TNPO1: variants seen among roughly 807,000 people sequenced by gnomAD.
The protein encoded by TNPO1 is transportin 1, also known as transportin-1.
TNPO1 carries 8 observed loss-of-function variants against 119.5 expected under a neutral mutation model. That is an observed-to-expected ratio of 0.07 (90% CI 0.04 to 0.12). TNPO1 has a LOEUF of 0.12. Ranked by LOEUF, TNPO1 falls within the 10% of genes least tolerant of loss-of-function variation. The pLI is 1.00. For synonymous variants in TNPO1, 362 were observed against 363.0 expected, an observed-to-expected ratio of 1.00 and a Z score of 0.03; for missense variants, 576 against 1,089.8, an observed-to-expected ratio of 0.53 and a Z score of 6.64.
Position 72,887,143 on chromosome 5 carries a change from C to T in TNPO1, c.1224C>T (p.Pro408=), listed in dbSNP as rs1748712768. 1.2e-6 allele frequency: 2 copies of T among 1,613,660 alleles called. No individual in the cohort carries two copies. Among genetic ancestry groups the T allele is most frequent in the South Asian group, 1.1e-5 (1 of 91,046 alleles). Residue 408 remains proline, a synonymous_variant, in exon 12 of 25, where the codon CCC becomes CCT. Transcript: ENST00000337273. ...YRDELLPHIL[P]LLKELLFHHE... ...ATGAACTGCTGCCACATATTTTGCC[C>T]CTTTTGAAAGAATTACTTTTTCATC...
chr5:72,823,434 C>T (rs554831357), intron 1 of TNPO1, among the ~76,000 whole-genome samples: 17 of 152,294 alleles, frequency 1.1e-4, no homozygotes, highest in African/African-American at 2.9e-4. Flanking sequence ...GTGATACCCT[C>T]GTGCACTGTC....
At chr5:72,896,779 G>A (rs928549503) in intron 19 of TNPO1, among the ~76,000 whole-genome samples, 1 of 152,130 alleles carries the variant, frequency 6.6e-6, no homozygotes, top group Non-Finnish European at 1.5e-5. Context: ...TGAGTCAGGA[G>A]AATCACTTGA....
chr5:72,888,316 C>G lies in TNPO1; in HGVS notation c.1529+13C>G, dbSNP rs368401594. ...AAGCTGCCTGCAGGTGGGACAGATT[C>G]ATAACACAGTGTTCTTTGTGGCAGT... On this transcript the variant is annotated intron_variant, in intron 13 of 24. Transcript: ENST00000337273. 7 of 1,605,896 alleles carry G rather than the reference C, an allele frequency of 4.4e-6. No individual in the cohort carries two copies. In the East Asian group the frequency reaches 1.1e-4, roughly 26 times the overall value.
intron 1 of TNPO1, among the ~76,000 whole-genome samples, chr5:72,830,465 G>A (rs1470986729): frequency 6.6e-6 from 1 of 152,118 alleles, no homozygotes; most frequent in Admixed American, 6.5e-5. Flanking sequence ...AAATTAATAG[G>A]TTAAGAAATC....
At chr5:72,854,369 T>C (rs1185272356) in intron 3 of TNPO1, among the ~76,000 whole-genome samples, 2 of 152,230 alleles carry the variant, frequency 1.3e-5, no homozygotes, top group African/African-American at 2.4e-5. Flanking sequence ...TTTTTGCCTC[T>C]ACATGTTGCT....
At chr5:72,836,922 C>T (rs1744715127) in intron 1 of TNPO1, among the ~76,000 whole-genome samples, 1 of 152,174 alleles carries the variant, frequency 6.6e-6, no homozygotes, top group South Asian at 2.1e-4. Flanking sequence ...TTCCTCGTTT[C>T]TGTCTCAGAG....
chr5:72,848,169 C>G, intron 1 of TNPO1: 1 of 1,220,058 alleles, frequency 8.2e-7, no homozygotes, highest in Non-Finnish European at 1.0e-6. Context: ...GCGGCAGCAG[C>G]AGCAGACGCT....
chr5:72,834,945 A>G (rs1452294019), intron 1 of TNPO1, among the ~76,000 whole-genome samples: 1 of 152,098 alleles, frequency 6.6e-6, no homozygotes, highest in African/African-American at 2.4e-5. Context: ...ATGTTTACAT[A>G]TGTGTAGATA....
At chr5:72,847,153 AAGAG>A (rs1745166830) in intron 1 of TNPO1, among the ~76,000 whole-genome samples, 1 of 152,212 alleles carries the variant, frequency 6.6e-6, no homozygotes, top group Admixed American at 6.5e-5. Flanking sequence ...ATAAGAGTGA[AAGAG>A]AGAGGAAAAG....
rs568929158 is a variant in TNPO1 at position 72,887,038 on chromosome 5, A to C, written c.1151-32A>C. 2.5e-6 allele frequency: 4 copies of C among 1,586,128 alleles called. No homozygotes were observed. In the African/African-American group the frequency reaches 5.4e-5, roughly 21 times the overall value. On this transcript the variant is annotated intron_variant, in intron 11 of 24. Coordinates refer to ENST00000337273, the MANE Select transcript of TNPO1 (RefSeq NM_002270.4). ...ATAATATATAAGTAATAAGAGGTTA[A>C]TGTAATATTTTTGAATTAAATATTT...
At chr5:72,863,191 A>G (rs758127315) in intron 5 of TNPO1, among the ~76,000 whole-genome samples, 5 of 152,138 alleles carry the variant, frequency 3.3e-5, no homozygotes, top group African/African-American at 1.2e-4. Flanking sequence ...TGTGGAAACC[A>G]TATTTGGTGT....
At chr5:72,884,057 T>A (rs1393852325) in intron 11 of TNPO1, among the ~76,000 whole-genome samples, 1 of 152,144 alleles carries the variant, frequency 6.6e-6, no homozygotes, top group Non-Finnish European at 1.5e-5. Context: ...GCCCAATGTG[T>A]ATTCAGTTCT....
intron 1 of TNPO1, among the ~76,000 whole-genome samples, chr5:72,836,029 G>C (rs1303295769): frequency 2.0e-5 from 3 of 152,264 alleles, no homozygotes; most frequent in African/African-American, 7.2e-5. Flanking sequence ...AGGTCACCCT[G>C]TCCCCATGGC....
chr5:72,824,677 C>A (rs974712074), intron 1 of TNPO1, among the ~76,000 whole-genome samples: 1 of 152,170 alleles, frequency 6.6e-6, no homozygotes, highest in Non-Finnish European at 1.5e-5. Context: ...TGTTGGAGAG[C>A]CCCAAGTCTT....
At chr5:72,854,499 G>A (rs1327322142) in intron 3 of TNPO1, among the ~76,000 whole-genome samples, 1 of 152,146 alleles carries the variant, frequency 6.6e-6, no homozygotes, top group African/African-American at 2.4e-5. Context: ...ATAACATTCT[G>A]TTCAACATGC....
intron 24 of TNPO1, among the ~76,000 whole-genome samples, chr5:72,907,793 T>C (rs1750273439): frequency 5.3e-5 from 8 of 152,084 alleles, no homozygotes. Flanking sequence ...TCTATAATCC[T>C]AGCATTTTGG....
chr5:72,848,510 G>C lies in TNPO1; in HGVS notation c.129+12G>C. The C allele has an allele frequency of 5.2e-6, 8 of 1,524,858 alleles. No individual in the cohort carries two copies. Among genetic ancestry groups the C allele is most frequent in the Non-Finnish European group, 7.1e-6 (8 of 1,131,312 alleles). The allele number at this position is 1,524,858 out of a possible 1,614,324, so 94.5% of individuals were successfully genotyped here. A position where few individuals can be genotyped will look rare whatever the true frequency, so the allele number is the denominator to read the frequency against. The stretch of plus-strand genomic sequence containing the variant: ...GAACCGTGCAACAAGTATCCTTTCC[G>C]AGGCCTGGCCGCCACCCGCGCAGCT... On this transcript the variant is annotated intron_variant, in intron 2 of 24. Coordinates refer to ENST00000337273, the MANE Select transcript of TNPO1 (RefSeq NM_002270.4).
At chr5:72,865,506 A>G in intron 5 of TNPO1, 90 bp from the exon 6 acceptor site, 1 of 1,376,286 alleles carries the variant, frequency 7.3e-7, no homozygotes, top group Non-Finnish European at 1.0e-6. Context: ...TGAGAACATT[A>G]GTCCATACAA....
At chr5:72,836,149 C>T (rs1298744450) in intron 1 of TNPO1, among the ~76,000 whole-genome samples, 1 of 152,212 alleles carries the variant, frequency 6.6e-6, no homozygotes, top group African/African-American at 2.4e-5. Flanking sequence ...GGGATCCACT[C>T]CAACAGCTCC....
Sources: allele counts gnomAD v4.1 joint callset (sites outside exome capture counted in the v4.1 genomes callset), GRCh38; gene constraint gnomAD v4.1.1; transcripts MANE v1.5; gene names NCBI Gene and HGNC (gene_info 2026-07-23, HGNC 2026-07-21).